Variants in ECPAS observed in about 807,000 individuals in gnomAD.
The protein encoded by ECPAS is Ecm29 proteasome adaptor and scaffold.
A neutral mutation model predicts 255.1 loss-of-function variants in ECPAS; 70 were observed. That is an observed-to-expected ratio of 0.27 (90% CI 0.23 to 0.33). ECPAS has a LOEUF of 0.33. Among genes scored for constraint, ECPAS ranks in the 10% least tolerant of loss-of-function variants. The pLI is 1.00. For missense variants in ECPAS, 1,817 were observed against 2,206.4 expected (o/e 0.82, Z 3.54); for synonymous variants, 784 against 775.0 (o/e 1.01, Z -0.19).
Position 111,431,268 on chromosome 9 carries a change from T to C in ECPAS, c.849-640A>G, listed in dbSNP as rs80199409. 9.9e-5 allele frequency among the ~76,000 whole-genome samples: 15 copies of C among 152,216 alleles called. No individual in the cohort carries two copies. The East Asian group carries it at 2.9e-3, about 29-fold the overall frequency. On this transcript the variant is annotated intron_variant, in intron 8 of 49. Coordinates refer to ENST00000684092, the MANE Select transcript of ECPAS (RefSeq NM_001364929.1). ...TAAGGTGAATTCAGATATAAGGTGA[T>C]TGGTGACAGCTGGGCATGGTGGCTC...
Position 111,389,546 on chromosome 9 carries a change from A to G in ECPAS, c.3447+10T>C, listed in dbSNP as rs761483444. 1 of 1,610,268 alleles carries G rather than the reference A, an allele frequency of 6.2e-7. No individual in the cohort carries two copies. The highest frequency in any genetic ancestry group is 8.5e-7 in the Non-Finnish European group (1 of 1,177,690). Reference sequence around the variant, plus strand: ...GTGTTTTCCTAACACAGGGGTTCACAGACACTTACCATGGATTTGTCAGTG... The same window carrying G: ...GTGTTTTCCTAACACAGGGGTTCACGGACACTTACCATGGATTTGTCAGTG... On this transcript the variant is annotated intron_variant, in intron 31 of 49. Coordinates refer to ENST00000684092, the MANE Select transcript of ECPAS (RefSeq NM_001364929.1).
At chr9:111,412,268 C>A (rs943343538) in intron 20 of ECPAS, 120 bp from the exon 21 acceptor site, 19 of 873,292 alleles carry the variant, frequency 2.2e-5, no homozygotes, top group East Asian at 9.8e-5. Context: ...AAAAAACAAG[C>A]CATTATTTGA....
At chr9:111,408,290 C>G (rs964260806) in intron 24 of ECPAS, among the ~76,000 whole-genome samples, 6 of 152,196 alleles carry the variant, frequency 3.9e-5, no homozygotes, top group Non-Finnish European at 8.8e-5. Context: ...GCTCACTCCA[C>G]ACATCTGGCT....
intron 1 of ECPAS, 118 bp downstream of exon 1, chr9:111,483,998 C>T: frequency 9.9e-7 from 1 of 1,005,530 alleles, no homozygotes. Context: ...TCGCCGCCCG[C>T]CCCGCGTGCG....
At chr9:111,434,980 C>A (rs2098235822) in intron 7 of ECPAS, among the ~76,000 whole-genome samples, 1 of 149,572 alleles carries the variant, frequency 6.7e-6, no homozygotes, top group South Asian at 2.1e-4. Context: ...CTCACGGCAA[C>A]CCCCACCTCC....
rs1365526772 is a variant in ECPAS at position 111,428,309 on chromosome 9, C to T, written c.931-148G>A. ...AAAAATTACTGAACTCTCCAAAGAGCTTCTGTTTATATCTGTGTAACCTAT... is the reference window on the plus strand; with the variant it reads ...AAAAATTACTGAACTCTCCAAAGAGTTTCTGTTTATATCTGTGTAACCTAT... On this transcript the variant is annotated intron_variant, in intron 9 of 49. Transcript: ENST00000684092. 1.3e-5 allele frequency: 8 copies of T among 607,760 alleles called. No homozygotes were observed. The East Asian group carries it at 1.8e-4, about 14-fold the overall frequency. The allele number at this position is 607,760 out of a possible 1,614,324, so 37.6% of individuals were successfully genotyped here. A position where few individuals can be genotyped will look rare whatever the true frequency, so the allele number is the denominator to read the frequency against.
Position 111,423,362 on chromosome 9 carries a change from T to C in ECPAS, c.1216-114A>G, listed in dbSNP as rs2098217043. 4.2e-6 allele frequency: 3 copies of C among 716,258 alleles called. No individual in the cohort carries two copies. In the South Asian group the frequency reaches 5.1e-5, roughly 12 times the overall value. 44.4% of individuals were successfully genotyped at this position (716,258 alleles called of 1,614,324 possible). On this transcript the variant is annotated intron_variant, in intron 12 of 49. Coordinates refer to ENST00000684092, the MANE Select transcript of ECPAS (RefSeq NM_001364929.1). ...CAATTACATGCATTATTTTACTCCTTATTAAACCTAGGTCTCACTCTGTCT... is the reference window on the plus strand; with the variant it reads ...CAATTACATGCATTATTTTACTCCTCATTAAACCTAGGTCTCACTCTGTCT...
rs2098124299 is a variant in ECPAS, at chr9:111,369,157, C to T, written c.4991G>A (p.Ser1664Asn). 6.3e-7 allele frequency: 1 copy of T among 1,586,930 alleles called. No homozygotes were observed. The highest frequency in any genetic ancestry group is 8.5e-7 in the Non-Finnish European group (1 of 1,171,532). ...TTCATTTTTGGTTGTCCGGACCCCA[C>T]TGCTTTCAAGTGAGTTCTAGGATAT... ...PLIKKNSLESSGVRTTKNEEE... is the reference protein window; with the variant it reads ...PLIKKNSLESNGVRTTKNEEE... The change falls in exon 46 of 50, where the codon AGT becomes AAT. Residue 1664 changes from serine (S) to asparagine (N), a missense_variant. Physicochemically the swap from Ser to Asn is conservative, Grantham distance 46. Transcript: ENST00000684092.
In ECPAS at chr9:111,370,708, G is replaced by T. The variant is rs1414009884; in HGVS notation, c.4781+14C>A. ...CAGTTTAAGAAATGGCATCTTCATT[G>T]AAAGAACATTTACCTGCAAGCTGTC... On this transcript the variant is annotated intron_variant, in intron 44 of 49. Transcript: ENST00000684092. 2.5e-6 allele frequency: 4 copies of T among 1,606,962 alleles called. No homozygotes were observed. Among genetic ancestry groups the T allele is most frequent in the Non-Finnish European group, 3.4e-6 (4 of 1,176,600 alleles).
chr9:111,455,538 C>T (rs541459962), intron 2 of ECPAS, among the ~76,000 whole-genome samples: 139 of 152,320 alleles, frequency 9.1e-4, no homozygotes, highest in Middle Eastern at 3.4e-3. Flanking sequence ...TGGCCCATGG[C>T]TGATATCTGG....
Position 111,477,270 on chromosome 9 carries a change from G to A in ECPAS, c.-82-4270C>T, listed in dbSNP as rs1044965726. Among the ~76,000 whole-genome samples the A allele has an allele frequency of 5.3e-5, 8 of 151,296 alleles. No homozygotes were observed. In the South Asian group the frequency reaches 1.0e-3, roughly 20 times the overall value. ...ACTACAGGTGCACGTCCCAACACCC[G>A]GCTAATTTTTTTGTATTTTTAGTAG... On this transcript the variant is annotated intron_variant, in intron 1 of 49. Coordinates refer to ENST00000684092, the MANE Select transcript of ECPAS (RefSeq NM_001364929.1).
chr9:111,421,948 C>T lies in ECPAS; in HGVS notation c.1428G>A (p.Glu476=), dbSNP rs2098214612. The T allele has an allele frequency of 1.9e-6, 3 of 1,613,550 alleles. No individual in the cohort carries two copies. In the African/African-American group the frequency reaches 4.0e-5, roughly 22 times the overall value. The change falls in exon 15 of 50, where the codon GAG becomes GAA. Residue 476 remains glutamate, a synonymous_variant. Transcript: ENST00000684092. ...TLEGAQRTLM[E]ALVASYLIKP... ...TTATTAAGTACGAAGCCACAAGTGC[C>T]TCCATGAGAGTTCGCTGTGCCCCTT...
chr9:111,432,581 T>G (rs1355572723), intron 8 of ECPAS, among the ~76,000 whole-genome samples: 1 of 152,190 alleles, frequency 6.6e-6, no homozygotes, highest in Non-Finnish European at 1.5e-5. Flanking sequence ...GCCACTGCAC[T>G]CCTGCCTGGG....
chr9:111,412,223 T>A (rs1589161194), intron 20 of ECPAS, 75 bp from the exon 21 acceptor site: 2 of 1,265,526 alleles, frequency 1.6e-6, no homozygotes. Flanking sequence ...CTTTTAAAAT[T>A]AAAAGAACGT....
At chr9:111,404,813 CAAAAAA>C (rs35277070) in intron 24 of ECPAS, among the ~76,000 whole-genome samples, 1 of 52,886 alleles carries the variant, frequency 1.9e-5, no homozygotes, top group African/African-American at 9.4e-5. Context: ...TAATAGCTAC[CAAAAAA>C]AAAAAAAAAA....
chr9:111,394,051 T>C lies in ECPAS; in HGVS notation c.2922+109A>G, dbSNP rs1189234975. 10 of 1,045,356 alleles carry C rather than the reference T, an allele frequency of 9.6e-6. No homozygotes were observed. In the South Asian group the frequency reaches 1.5e-4, roughly 16 times the overall value. The allele number at this position is 1,045,356 out of a possible 1,614,324, so 64.8% of individuals were successfully genotyped here. Reference sequence around the variant, plus strand: ...ATCCTTCATTCCTTCATGTACAATGTATTTCAAAATACCTACTATTGGTTA... The same window carrying C: ...ATCCTTCATTCCTTCATGTACAATGCATTTCAAAATACCTACTATTGGTTA... On this transcript the variant is annotated intron_variant, in intron 26 of 49. Transcript: ENST00000684092.
chr9:111,391,629 C>T (rs575789442), intron 29 of ECPAS, 127 bp downstream of exon 29: 2 of 584,632 alleles, frequency 3.4e-6, no homozygotes, highest in East Asian at 3.0e-5. Context: ...AAGTTTTCTT[C>T]TTCCACCAAT....
At chr9:111,473,090 G>T in intron 1 of ECPAS, 90 bp from the exon 2 acceptor site, 1 of 267,656 alleles carries the variant, frequency 3.7e-6, no homozygotes, top group Non-Finnish European at 6.0e-6. Flanking sequence ...TTCATTTCTT[G>T]TTAGATCTTT....
intron 18 of ECPAS, among the ~76,000 whole-genome samples, 162 bp downstream of exon 18, chr9:111,416,110 T>G (rs1378536308): frequency 6.6e-6 from 1 of 152,164 alleles, no homozygotes; most frequent in Non-Finnish European, 1.5e-5. Context: ...ATAATACCAA[T>G]TTCCCAATAC....
Sources: gnomAD v4.1 joint callset for allele counts (sites outside exome capture counted in the v4.1 genomes callset) on GRCh38, gnomAD v4.1.1 for gene constraint, MANE v1.5 for transcripts, NCBI Gene and HGNC (gene_info 2026-07-23, HGNC 2026-07-21) for gene names.